SRPK2: variants seen among roughly 807,000 people sequenced by gnomAD.
The protein encoded by SRPK2 is SFRS protein kinase 2.
In SRPK2, 21 loss-of-function variants were observed where a neutral mutation model predicts 90.8. That is an observed-to-expected ratio of 0.23 (90% CI 0.16 to 0.33). The LOEUF is 0.33. Ranked by LOEUF, SRPK2 falls within the 10% of genes least tolerant of loss-of-function variation. The pLI is 1.00. For missense variants in SRPK2, 620 were observed against 869.0 expected, an observed-to-expected ratio of 0.71 and a Z score of 3.60; for synonymous variants, 288 against 311.1, an observed-to-expected ratio of 0.93 and a Z score of 0.78.
At position 105,168,036 on chromosome 7, in the gene SRPK2, G is replaced by C. The variant is rs1790310044; in HGVS notation, c.398C>G (p.Ala133Gly). ...VKSAQHYTET[A>G]LDEIKLLKCV... is the part of the protein sequence containing the mutation. The stretch of plus-strand genomic sequence containing the variant: ...TTTGAGCAATTTTATTTCATCCAAG[G>C]CTGTCTCCGTATAATGCTGGGCACT... The change falls in exon 5 of 16, where the codon GCC (alanine) becomes GGC (glycine). Residue 133 changes from alanine (A) to glycine (G), a missense_variant. This residue lies in a region of SRPK2 where 196 missense variants were observed against 339.2 expected (regional missense o/e 0.58). Transcript: ENST00000393651. 1.2e-6 allele frequency: 2 copies of C among 1,611,844 alleles called. No homozygotes were observed. The highest frequency in any genetic ancestry group is 1.7e-6 in the Non-Finnish European group (2 of 1,178,920).
intron 2 of SRPK2, among the ~76,000 whole-genome samples, chr7:105,362,734 G>A (rs1374404090): frequency 6.6e-6 from 1 of 152,022 alleles, no homozygotes; most frequent in Non-Finnish European, 1.5e-5. Flanking sequence ...CTGCTATAAA[G>A]ACACATGTAC....
chr7:105,328,055 C>T (rs1423566733), intron 2 of SRPK2, among the ~76,000 whole-genome samples: 4 of 152,132 alleles, frequency 2.6e-5, no homozygotes, highest in Non-Finnish European at 4.4e-5. Context: ...GGATTACAGG[C>T]GTGAGCCACA....
chr7:105,353,446 C>T (rs1000594046), intron 2 of SRPK2, among the ~76,000 whole-genome samples: 31 of 152,054 alleles, frequency 2.0e-4, no homozygotes, highest in African/African-American at 6.8e-4. Context: ...CTCAAGCAAT[C>T]CTCCCATCTC....
intron 2 of SRPK2, among the ~76,000 whole-genome samples, chr7:105,270,494 G>A (rs543543310): frequency 1.3e-5 from 2 of 148,644 alleles, no homozygotes; most frequent in South Asian, 4.2e-4. Context: ...TGCAACCTCC[G>A]CCTCCCGGGT....
chr7:105,120,371 AAG>A (rs1800162015), intron 15 of SRPK2, among the ~76,000 whole-genome samples: 1 of 152,242 alleles, frequency 6.6e-6, no homozygotes, highest in Non-Finnish European at 1.5e-5. Flanking sequence ...CTTCCATGAA[AAG>A]AGAAGTTTTA....
intron 2 of SRPK2, among the ~76,000 whole-genome samples, chr7:105,352,286 G>A (rs1817285768): frequency 6.6e-6 from 1 of 152,220 alleles, no homozygotes. Context: ...AAACGTGGCA[G>A]AAGTGGCAGT....
rs558468585 is a variant in SRPK2, at chr7:105,119,225, T to C, written c.1916-1203A>G. Among the ~76,000 whole-genome samples, 7 of 152,130 alleles carry C rather than the reference T, an allele frequency of 4.6e-5. No individual in the cohort carries two copies. In the South Asian group the frequency reaches 1.2e-3, roughly 27 times the overall value. ...ATTTAAACAAGGTACATTTTTTTCA[T>C]GAGATGCATCAATAGATAATCAGTG... On this transcript the variant is annotated intron_variant, in intron 15 of 15. Coordinates refer to ENST00000393651, the MANE Select transcript of SRPK2 (RefSeq NM_182692.3).
In SRPK2 at chr7:105,268,176, T is replaced by C. The variant is rs939693715; in HGVS notation, c.72-64391A>G. ...ATCATATGATTGACAGATAAAATAA[T>C]TGCTTTAAAAATACTTCTGAGTCAT... On this transcript the variant is annotated intron_variant, in intron 2 of 15. Transcript: ENST00000393651. Among the ~76,000 whole-genome samples, 8 of 152,250 alleles carry C rather than the reference T, an allele frequency of 5.3e-5. No homozygotes were observed. The South Asian group carries it at 1.2e-3, about 24-fold the overall frequency.
At chr7:105,252,306 T>A (rs1274740787) in intron 2 of SRPK2, among the ~76,000 whole-genome samples, 3 of 151,932 alleles carry the variant, frequency 2.0e-5, no homozygotes, top group African/African-American at 7.3e-5. Flanking sequence ...AAAAGAATTT[T>A]AAAAAAACAA....
intron 7 of SRPK2, among the ~76,000 whole-genome samples, chr7:105,149,111 G>C (rs893959720): frequency 1.3e-5 from 2 of 152,154 alleles, no homozygotes; most frequent in African/African-American, 4.8e-5. Context: ...AGATGGATTA[G>C]TAAAAGAGGA....
intron 2 of SRPK2, among the ~76,000 whole-genome samples, chr7:105,314,675 T>C (rs1435490655): frequency 6.6e-6 from 1 of 152,198 alleles, no homozygotes; most frequent in Non-Finnish European, 1.5e-5. Flanking sequence ...TTAGCCACCA[T>C]GCCCGGCCCA....
At chr7:105,129,818 T>C (rs1445821738) in intron 13 of SRPK2, among the ~76,000 whole-genome samples, 18 of 152,222 alleles carry the variant, frequency 1.2e-4, no homozygotes, top group Admixed American at 1.2e-3. Flanking sequence ...TAAAACATTC[T>C]CCTATGCTGA....
chr7:105,135,504 G>A (rs1430151003), intron 11 of SRPK2, among the ~76,000 whole-genome samples: 1 of 152,188 alleles, frequency 6.6e-6, no homozygotes, highest in East Asian at 1.9e-4. Flanking sequence ...CAAATCATAG[G>A]TCTAATGAGA....
chr7:105,177,892 A>G (rs1444013064), intron 3 of SRPK2, among the ~76,000 whole-genome samples: 1 of 151,636 alleles, frequency 6.6e-6, no homozygotes, highest in Admixed American at 6.6e-5. Context: ...AGGTGGGCAT[A>G]GTGGCGGGCG....
In SRPK2 at chr7:105,118,877, C is replaced by T. The variant is rs117311277; in HGVS notation, c.1916-855G>A. Among the ~76,000 whole-genome samples, 213 of 152,330 alleles carry T rather than the reference C, an allele frequency of 1.4e-3. 5 individuals carry two copies. In the East Asian group the frequency reaches 0.036, roughly 26 times the overall value. On this transcript the variant is annotated intron_variant, in intron 15 of 15. Transcript: ENST00000393651. Reference sequence around the variant, plus strand: ...AGTGAGTCAAGGTCATGCCACTGCACTCCATCCTGGGACAGAGCAAGCGAA... The same window carrying T: ...AGTGAGTCAAGGTCATGCCACTGCATTCCATCCTGGGACAGAGCAAGCGAA...
At chr7:105,358,421 C>G (rs1818047657) in intron 2 of SRPK2, among the ~76,000 whole-genome samples, 1 of 152,106 alleles carries the variant, frequency 6.6e-6, no homozygotes, top group African/African-American at 2.4e-5. Context: ...CATGGTGGCT[C>G]ACACCTATAA....
chr7:105,241,522 T>C (rs1800813998), intron 2 of SRPK2, among the ~76,000 whole-genome samples: 6 of 152,100 alleles, frequency 3.9e-5, no homozygotes, highest in Admixed American at 3.9e-4. Context: ...CACAACCCTA[T>C]GTGAGGTGAG....
chr7:105,221,322 T>C (rs1304207965), intron 2 of SRPK2, among the ~76,000 whole-genome samples: 13 of 152,198 alleles, frequency 8.5e-5, no homozygotes, highest in Admixed American at 7.8e-4. Context: ...AGTTGAGAGC[T>C]TGGTTTAAGT....
chr7:105,255,869 T>C (rs1165556405), intron 2 of SRPK2, among the ~76,000 whole-genome samples: 1 of 151,362 alleles, frequency 6.6e-6, no homozygotes, highest in African/African-American at 2.4e-5. Flanking sequence ...GAGGCAGAGG[T>C]TGCAATGAGT....
Sources: gnomAD v4.1 joint callset for allele counts (sites outside exome capture counted in the v4.1 genomes callset) on GRCh38, gnomAD v4.1.1 for gene constraint, gnomAD v4.1.1 regional missense constraint, MANE v1.5 for transcripts, NCBI Gene and HGNC (gene_info 2026-07-23, HGNC 2026-07-21) for gene names.